Variants in SLC9C2 observed in about 807,000 individuals in gnomAD.
SLC9C2 encodes sodium/hydrogen exchanger 11.
SLC9C2 carries 75 observed loss-of-function variants against 140.2 expected under a neutral mutation model. The observed-to-expected ratio is 0.53, with a 90% CI of 0.44 to 0.65. SLC9C2 has a LOEUF of 0.65. Among genes scored for constraint, SLC9C2 ranks in the 30% least tolerant of loss-of-function variants. The pLI is 0.00. For synonymous variants in SLC9C2, 375 were observed against 420.9 expected (o/e 0.89, Z 1.34); for missense variants, 1,074 against 1,331.8 (o/e 0.81, Z 3.01).
intron 9 of SLC9C2, among the ~76,000 whole-genome samples, chr1:173,571,296 T>C (rs1213439740): frequency 2.0e-5 from 3 of 152,146 alleles, no homozygotes; most frequent in African/African-American, 7.2e-5. Flanking sequence ...TTTCTCTTAC[T>C]TTTTTTCATA....
chr1:173,547,581 C>A, intron 13 of SLC9C2, 108 bp downstream of exon 13: 1 of 720,004 alleles, frequency 1.4e-6, no homozygotes, highest in Non-Finnish European at 2.2e-6. Flanking sequence ...TTTTAACAAT[C>A]AATAGACTAT....
chr1:173,585,683 T>C (rs1665809026), intron 5 of SLC9C2, among the ~76,000 whole-genome samples: 1 of 152,176 alleles, frequency 6.6e-6, no homozygotes, highest in Admixed American at 6.5e-5. Flanking sequence ...TAGAAGACTT[T>C]CAGCCGGGTG....
intron 9 of SLC9C2, among the ~76,000 whole-genome samples, chr1:173,563,826 A>G (rs1306314681): frequency 6.6e-6 from 1 of 152,074 alleles, no homozygotes; most frequent in Non-Finnish European, 1.5e-5. Flanking sequence ...CCTGTTAACC[A>G]TCCTCCACTT....
intron 18 of SLC9C2, 98 bp from the exon 19 acceptor site, chr1:173,526,812 C>T: frequency 1.2e-6 from 1 of 825,002 alleles, no homozygotes; most frequent in Non-Finnish European, 1.9e-6. Context: ...TCCTGAGAAG[C>T]ATACTTATTA....
intron 9 of SLC9C2, among the ~76,000 whole-genome samples, chr1:173,568,972 G>T (rs998998553): frequency 6.6e-6 from 1 of 152,042 alleles, no homozygotes; most frequent in African/African-American, 2.4e-5. Flanking sequence ...ACTCCCTTTA[G>T]CATTTCTTCT....
At chr1:173,531,389 A>C (rs544484224) in intron 17 of SLC9C2, among the ~76,000 whole-genome samples, 105 of 152,350 alleles carry the variant, frequency 6.9e-4, no homozygotes, top group Non-Finnish European at 1.1e-3. Flanking sequence ...AAGCAAAAAG[A>C]AGCAGCAGAT....
chr1:173,578,778 C>A (rs552290463), intron 7 of SLC9C2, among the ~76,000 whole-genome samples: 4 of 152,318 alleles, frequency 2.6e-5, no homozygotes, highest in African/African-American at 9.6e-5. Context: ...AATCTTCCCT[C>A]TATGTGTATC....
intron 11 of SLC9C2, among the ~76,000 whole-genome samples, chr1:173,551,695 G>A (rs12026427): frequency 0.2 from 29,748 of 152,084 alleles, 4,208 homozygotes; most frequent in East Asian, 0.64. Flanking sequence ...CAGTAAGTGT[G>A]TGTTCTGACT....
intron 10 of SLC9C2, chr1:173,555,439 C>T (rs1369342447): frequency 2.0e-5 from 3 of 152,248 alleles, no homozygotes; most frequent in Admixed American, 1.3e-4. Context: ...AGTAATTTCT[C>T]CTCCAGTGTC....
Position 173,594,737 on chromosome 1 carries a change from T to C in SLC9C2, c.357+3167A>G, listed in dbSNP as rs1412369015. On this transcript the variant is annotated intron_variant, in intron 4 of 27. Transcript: ENST00000367714. Reference sequence around the variant, plus strand: ...TGCCTTATTTGGAGGAAAGTAGAGATATTTAGCTTTAGACTTGTTAAATCA... The same window carrying C: ...TGCCTTATTTGGAGGAAAGTAGAGACATTTAGCTTTAGACTTGTTAAATCA... 2.6e-5 allele frequency among the ~76,000 whole-genome samples: 4 copies of C among 152,230 alleles called. 1 individual carries two copies. The highest frequency in any genetic ancestry group is 4.1e-4 in the South Asian group (2 of 4,838).
At chr1:173,535,365 A>C (rs1473216672) in intron 15 of SLC9C2, among the ~76,000 whole-genome samples, 2 of 152,208 alleles carry the variant, frequency 1.3e-5, no homozygotes, top group African/African-American at 4.8e-5. Flanking sequence ...ACCCCAGTTA[A>C]GTAAAATCTG....
intron 19 of SLC9C2, 73 bp downstream of exon 19, chr1:173,526,590 A>C (rs1486331486): frequency 7.8e-7 from 1 of 1,287,478 alleles, no homozygotes; most frequent in Non-Finnish European, 1.1e-6. Context: ...TGAAAGCATG[A>C]ATTGTTCTTC....
chr1:173,595,419 T>C (rs1340590215), intron 4 of SLC9C2, among the ~76,000 whole-genome samples: 2 of 152,182 alleles, frequency 1.3e-5, no homozygotes, highest in Non-Finnish European at 2.9e-5. Context: ...ATTAAGGGCT[T>C]TCTAGAAGCC....
intron 5 of SLC9C2, among the ~76,000 whole-genome samples, chr1:173,586,006 G>C (rs1028674528): frequency 7.2e-5 from 11 of 151,876 alleles, no homozygotes; most frequent in African/African-American, 2.7e-4. Context: ...ACTTTCTACT[G>C]TACTCCTTTT....
At chr1:173,546,024 G>A (rs1662823550) in intron 13 of SLC9C2, among the ~76,000 whole-genome samples, 1 of 152,042 alleles carries the variant, frequency 6.6e-6, no homozygotes, top group African/African-American at 2.4e-5. Flanking sequence ...CGTTCACAAA[G>A]CCACTTTTGC....
Position 173,576,721 on chromosome 1 carries a change from G to T in SLC9C2, c.842C>A (p.Ala281Asp), listed in dbSNP as rs2102197344. ...LGMSGTLALA[A>D]VGLNLDSLTF... ...TAAAGAATCTAAATTCAGTCCTACAGCGGCTAAGGCAAGAGTGCCTGACAT... is the reference window on the plus strand; with the variant it reads ...TAAAGAATCTAAATTCAGTCCTACATCGGCTAAGGCAAGAGTGCCTGACAT... Residue 281 changes from alanine (A) to aspartate (D), a missense_variant, in exon 8 of 28, where the codon GCT (alanine) becomes GAT (aspartate). Coordinates refer to ENST00000367714, the MANE Select transcript of SLC9C2 (RefSeq NM_178527.4). 1 of 1,609,110 alleles carries T rather than the reference G, an allele frequency of 6.2e-7. No individual in the cohort carries two copies. The highest frequency in any genetic ancestry group is 2.2e-5 in the East Asian group (1 of 44,850).
Position 173,550,872 on chromosome 1 carries a change from A to AAGAGAGAGAGAGAGAGAGAGAG in SLC9C2, c.1298-2342_1298-2321dup, listed in dbSNP as rs143296396. 6.8e-4 allele frequency among the ~76,000 whole-genome samples: 59 copies of AAGAGAGAGAGAGAGAGAGAGAG among 86,504 alleles called. 3 individuals carry two copies. Among genetic ancestry groups the AAGAGAGAGAGAGAGAGAGAGAG allele is most frequent in the African/African-American group, 2.8e-3 (43 of 15,312 alleles). 56.7% of individuals were successfully genotyped at this position (86,504 alleles called of 152,430 possible). On this transcript the variant is annotated intron_variant, in intron 11 of 27. Coordinates refer to ENST00000367714, the MANE Select transcript of SLC9C2 (RefSeq NM_178527.4). The stretch of plus-strand genomic sequence containing the variant: ...CCTGGGCAAGATAGTGAGCCGTTGA[A>AAGAGAGAGAGAGAGAGAGAGAG]AGAGAGAGAGAGAGAGAGAGAGAGA...
chr1:173,544,716 A>G (rs6692398), intron 13 of SLC9C2, among the ~76,000 whole-genome samples: 33,476 of 152,098 alleles, frequency 0.22, 4,580 homozygotes, highest in East Asian at 0.64. Flanking sequence ...AGGGACATGG[A>G]TGAAGCTGGA....
rs1210089799 is a variant in SLC9C2 at position 173,520,914 on chromosome 1, CTCTCTCTCTCTG to C, written c.2739+375_2739+386del. ...TCACTCTACTGAAATCTCTCTCCCT[CTCTCTCTCTCTG>C]TCTCTCTCTCTGGTCAACAAAAGCC... On this transcript the variant is annotated intron_variant, in intron 22 of 27. Transcript: ENST00000367714. Among the ~76,000 whole-genome samples the C allele has an allele frequency of 2.6e-5, 4 of 151,138 alleles. No homozygotes were observed. The East Asian group carries it at 5.8e-4, about 22-fold the overall frequency.
Sources: gnomAD v4.1 joint callset for allele counts (sites outside exome capture counted in the v4.1 genomes callset) on GRCh38, gnomAD v4.1.1 for gene constraint, MANE v1.5 for transcripts, NCBI Gene and HGNC (gene_info 2026-07-23, HGNC 2026-07-21) for gene names.